The following ESR1 variants were observed in gnomAD, a reference collection of about 807,000 sequenced individuals.
ESR1 encodes estrogen receptor.
A neutral mutation model predicts 52.7 loss-of-function variants in ESR1; 12 were observed. That is an observed-to-expected ratio of 0.23 (90% confidence interval 0.15 to 0.37). The LOEUF (loss-of-function observed/expected upper bound fraction) is 0.37, where lower values mean the gene tolerates loss of function less well. ESR1 is among the 10% of genes least tolerant of loss of function. The pLI is 1.00. For synonymous variants in ESR1, 305 were observed against 316.8 expected, an observed-to-expected ratio of 0.96 and a Z score of 0.39; for missense variants, 584 against 779.7, an observed-to-expected ratio of 0.75 and a Z score of 2.99.
rs551962186 is a variant in ESR1, at chr6:152,122,658, G to A, written c.851-2608G>A. 4.3e-6 allele frequency: 7 copies of A among 1,613,950 alleles called. No homozygotes were observed. The highest frequency in any genetic ancestry group is 4.5e-5 in the East Asian group (2 of 44,874). ...GCCCTGGCTCAGAAAGGGAGGAATC[G>A]GAGCCACCTTTTGTGGACCTGAGAG... On this transcript the variant is annotated intron_variant, in intron 6 of 6. Transcript: ENST00000427531.
intron 1 of ESR1, among the ~76,000 whole-genome samples, chr6:151,656,924 C>A (rs772257530): frequency 2.0e-5 from 3 of 152,140 alleles, no homozygotes; most frequent in Non-Finnish European, 4.4e-5. Flanking sequence ...CAAGACAAGG[C>A]TGTGGGATAT....
intron 5 of ESR1, among the ~76,000 whole-genome samples, chr6:152,019,536 G>A (rs117751136): frequency 0.012 from 1,802 of 152,290 alleles, 10 homozygotes; most frequent in Non-Finnish European, 0.019. Flanking sequence ...AGGGAAAGGC[G>A]TGAGCCCAAC....
At chr6:151,939,509 T>C (rs1024792158) in intron 3 of ESR1, among the ~76,000 whole-genome samples, 3 of 152,202 alleles carry the variant, frequency 2.0e-5, no homozygotes, top group Non-Finnish European at 4.4e-5. Flanking sequence ...ATAAGCTGTA[T>C]GTTCCATAGT....
At chr6:151,801,261 T>G (rs1777214242), upstream of ESR1, among the ~76,000 whole-genome samples, 1 of 152,230 alleles carries the variant, frequency 6.6e-6, no homozygotes, top group Non-Finnish European at 1.5e-5. Flanking sequence ...ATTGGAATTC[T>G]TGTATCACTC....
chr6:151,715,654 A>C (rs1780975602), intron 2 of ESR1, among the ~76,000 whole-genome samples: 1 of 152,090 alleles, frequency 6.6e-6, no homozygotes, highest in African/African-American at 2.4e-5. Flanking sequence ...TGCTTCATAA[A>C]GTTCTTGTGC....
At chr6:152,068,072 G>C (rs954774884) in intron 6 of ESR1, among the ~76,000 whole-genome samples, 5 of 152,200 alleles carry the variant, frequency 3.3e-5, no homozygotes, top group African/African-American at 1.2e-4. Context: ...GTGTAATTAA[G>C]TTGCTGTTTG....
At chr6:152,005,572 G>A (rs1189822661) in intron 4 of ESR1, among the ~76,000 whole-genome samples, 1 of 151,920 alleles carries the variant, frequency 6.6e-6, no homozygotes, top group Non-Finnish European at 1.5e-5. Flanking sequence ...CAGCCTGTTG[G>A]GATGAAGGAG....
chr6:151,787,685 A>C (rs1158878950), intron 2 of ESR1, among the ~76,000 whole-genome samples: 2 of 152,068 alleles, frequency 1.3e-5, no homozygotes, highest in African/African-American at 4.8e-5. Context: ...TGATTTCTGT[A>C]TGTTGATTTT....
intron 4 of ESR1, 74 bp downstream of exon 4, chr6:151,944,582 G>A: frequency 7.3e-7 from 1 of 1,360,852 alleles, no homozygotes; most frequent in Non-Finnish European, 1.0e-6. Flanking sequence ...GGGAGAAATA[G>A]TGGGGGAAAA....
intron 2 of ESR1, among the ~76,000 whole-genome samples, chr6:151,779,209 G>A (rs1014031802): frequency 6.6e-6 from 1 of 151,896 alleles, no homozygotes; most frequent in Non-Finnish European, 1.5e-5. Context: ...TTTCTTCTAG[G>A]GTTTTTATGG....
chr6:151,666,932 G>A (rs978540482), intron 1 of ESR1, among the ~76,000 whole-genome samples: 2 of 152,128 alleles, frequency 1.3e-5, no homozygotes, highest in Admixed American at 1.3e-4. Context: ...GGAAGGGCTA[G>A]AAGGAGAAGA....
intron 6 of ESR1, among the ~76,000 whole-genome samples, chr6:152,063,977 G>C (rs2047759906): frequency 6.6e-6 from 1 of 152,198 alleles, no homozygotes; most frequent in South Asian, 2.1e-4. Flanking sequence ...AGTTTGGAGA[G>C]GGTCTCTCAA....
chr6:151,901,863 T>C (rs1342578325), intron 3 of ESR1, among the ~76,000 whole-genome samples: 3 of 152,148 alleles, frequency 2.0e-5, no homozygotes, highest in Non-Finnish European at 1.5e-5. Flanking sequence ...CCTGGTATAT[T>C]CCTGTAGTAG....
intron 2 of ESR1, among the ~76,000 whole-genome samples, chr6:151,778,446 T>C (rs971603618): frequency 2.0e-5 from 3 of 150,548 alleles, no homozygotes; most frequent in Admixed American, 6.6e-5. Context: ...TGCTCTGTCA[T>C]CCAGGCTGGA....
intron 6 of ESR1, among the ~76,000 whole-genome samples, chr6:152,082,111 A>T (rs2049275585): frequency 1.3e-5 from 2 of 152,356 alleles, no homozygotes; most frequent in Admixed American, 1.3e-4. Context: ...AACTCATTTT[A>T]TGAGGCCAGC....
At chr6:151,869,176 G>C (rs1171313692) in intron 2 of ESR1, among the ~76,000 whole-genome samples, 1 of 152,170 alleles carries the variant, frequency 6.6e-6, no homozygotes, top group African/African-American at 2.4e-5. Context: ...GACAAGAACA[G>C]TTTGGAAATT....
rs146017331 is a variant in ESR1, at chr6:152,079,574, G to A, written c.1370-14811G>A. Among the ~76,000 whole-genome samples the A allele has an allele frequency of 5.6e-4, 86 of 152,242 alleles. 1 individual carries two copies. Among genetic ancestry groups the A allele is most frequent in the African/African-American group, 1.8e-3 (73 of 41,548 alleles). ...AGTGGAAAATTCCAAAAACCAGAGC[G>A]CCTCTTCTGCTCCAAAGGATTGCAG... is the stretch of plus-strand genomic sequence containing the variant. On this transcript the variant is annotated intron_variant, in intron 6 of 7. Transcript: ENST00000206249.
In ESR1 at chr6:151,874,570, C is replaced by G. The variant is rs191238415; in HGVS notation, c.644-6085C>G. ...ACAAATTGATCTTCAAATTTGTAGG[C>G]TATGATGGAAGCAAATATTTGTAGT... On this transcript the variant is annotated intron_variant, in intron 2 of 7. Coordinates refer to ENST00000206249, the MANE Select transcript of ESR1 (RefSeq NM_000125.4). 6.0e-3 allele frequency among the ~76,000 whole-genome samples: 906 copies of G among 152,254 alleles called. 9 individuals carry two copies. The highest frequency in any genetic ancestry group is 0.021 in the African/African-American group (871 of 41,536).
intron 6 of ESR1, among the ~76,000 whole-genome samples, chr6:152,125,056 A>C (rs2052882030): frequency 6.6e-6 from 1 of 152,252 alleles, no homozygotes; most frequent in Admixed American, 6.5e-5. Context: ...CCAGTGGCAG[A>C]AGATTTCAAC....
Sources: gnomAD v4.1 joint callset for allele counts (sites outside exome capture counted in the v4.1 genomes callset) on GRCh38, gnomAD v4.1.1 for gene constraint, MANE v1.5 for transcripts, NCBI Gene and HGNC (gene_info 2026-07-23, HGNC 2026-07-21) for gene names.